SZT2: variants seen among roughly 807,000 people sequenced by gnomAD.
SZT2 encodes the protein KICSTOR complex protein SZT2.
SZT2 carries 216 observed loss-of-function variants against 404.2 expected under a neutral mutation model. The ratio of observed to expected loss-of-function variants is 0.53; its 90% CI spans 0.48 to 0.60. The LOEUF (loss-of-function observed/expected upper bound fraction) is 0.60. SZT2 is among the 20% of genes least tolerant of loss of function. The pLI is 0.00. For synonymous variants in SZT2, 1,693 were observed against 1,749.9 expected, an observed-to-expected ratio of 0.97 and a Z score of 0.81; for missense variants, 3,857 against 4,459.2, an observed-to-expected ratio of 0.86 and a Z score of 3.85.
At position 43,437,891 on chromosome 1, in the gene SZT2, T is replaced by C. The variant is rs375208664; in HGVS notation, c.6497T>C (p.Val2166Ala). Residue 2166 changes from valine (V) to alanine (A), a missense_variant, in exon 46 of 72, where the codon GTT becomes GCT. Val to Ala is a moderately conservative substitution (Grantham distance 64). This residue lies in a region of SZT2 where 261 missense variants were observed against 372.9 expected (regional missense o/e 0.70). Transcript: ENST00000634258. The surrounding 1 kb of genome is among the most constrained non-coding windows in gnomAD (Gnocchi z 5.3). ...DRHIQLLVHG[V>A]GQAGPEITDE... ...CATATCCAGCTGCTGGTCCATGGTG[T>C]TGGGCAGGCAGGTAAGGTCTGAGGA... 1.1e-5 allele frequency: 18 copies of C among 1,614,060 alleles called. No homozygotes were observed. Among genetic ancestry groups the C allele is most frequent in the African/African-American group, 8.0e-5 (6 of 74,918 alleles).
intron 7 of SZT2, 56 bp from the exon 8 acceptor site, chr1:43,419,678 C>A: frequency 6.9e-7 from 1 of 1,440,846 alleles, no homozygotes; most frequent in East Asian, 2.4e-5. Flanking sequence ...CTCTCCTGTT[C>A]TTCCTTCTCC....
chr1:43,450,458 C>G lies in SZT2; in HGVS notation c.10277C>G (p.Thr3426Ser). The part of the protein sequence containing the change: ...LESVINTACF[T>S]LWTRLL ...TCTGTCATCAACACAGCCTGTTTCACCCTCTGGACCCGCCTCCTCTGAGGG... is the reference window on the plus strand; with the variant it reads ...TCTGTCATCAACACAGCCTGTTTCAGCCTCTGGACCCGCCTCCTCTGAGGG... Residue 3426 changes from threonine to serine, a missense_variant, in exon 72 of 72, where the codon ACC becomes AGC. Physicochemically the swap from Thr to Ser is moderately conservative, Grantham distance 58 (BLOSUM62 1). Transcript: ENST00000634258. The surrounding 1 kb of genome is among the most constrained non-coding windows in gnomAD (Gnocchi z 4.3). 6.2e-7 allele frequency: 1 copy of G among 1,614,132 alleles called. No individual in the cohort carries two copies. Among genetic ancestry groups the G allele is most frequent in the Non-Finnish European group, 8.5e-7 (1 of 1,180,000 alleles).
In SZT2 at chr1:43,453,982, G is replaced by T; in HGVS notation, c.*3502G>T. 1 of 1,187,390 alleles carries T rather than the reference G, an allele frequency of 8.4e-7. No individual in the cohort carries two copies. The highest frequency in any genetic ancestry group is 4.2e-5 in the South Asian group (1 of 23,842). The allele number at this position is 1,187,390 out of a possible 1,614,324, so 73.6% of individuals were successfully genotyped here. A position where few individuals can be genotyped will look rare whatever the true frequency, so the allele number is the denominator to read the frequency against. On this transcript the variant is annotated 3_prime_UTR_variant, in exon 72 of 72. Coordinates refer to ENST00000634258, the MANE Select transcript of SZT2 (RefSeq NM_001365999.1). ...AAAAGCGCCTACGGTTAGCGAGAGA[G>T]GGATCACGGGGAGAGGCGAAGGGGC...
At position 43,442,020 on chromosome 1, in the gene SZT2, T is replaced by C; in HGVS notation, c.7763T>C (p.Phe2588Ser). Residue 2588 changes from phenylalanine (F) to serine (S), a missense_variant, in exon 56 of 72, where the codon TTC becomes TCC. Transcript: ENST00000634258. The surrounding 1 kb of genome is among the most constrained non-coding windows in gnomAD (Gnocchi z 4.5). ...AATAGGGGTTCAGAGCCAGAGATCT[T>C]CGGCCCTTGTTCCCCTGGGCAACTG... is the stretch of plus-strand genomic sequence containing the variant. ...EQHLGSEPEI[F>S]GPCSPGQLGP... is the part of the protein sequence containing the mutation. 1 of 1,613,682 alleles carries C rather than the reference T, an allele frequency of 6.2e-7. No homozygotes were observed. Among genetic ancestry groups the C allele is most frequent in the East Asian group, 2.2e-5 (1 of 44,874 alleles).
chr1:43,439,180 A>T lies in SZT2; in HGVS notation c.6792+87A>T, dbSNP rs1654790045. The T allele has an allele frequency of 6.3e-7, 1 of 1,585,944 alleles. No homozygotes were observed. The highest frequency in any genetic ancestry group is 1.3e-5 in the African/African-American group (1 of 74,622). ...TACTCTTTCCTACCGATACCCCTAT[A>T]TGTACCTTTGCCCATGGACCTGGGT... On this transcript the variant is annotated intron_variant, in intron 48 of 71. Coordinates refer to ENST00000634258, the MANE Select transcript of SZT2 (RefSeq NM_001365999.1). This position sits in a 1 kb window ranked among gnomAD's most constrained non-coding sequence, Gnocchi z 4.2.
At chr1:43,403,124 C>A in intron 1 of SZT2, 53 bp from the exon 2 acceptor site, 1 of 1,594,416 alleles carries the variant, frequency 6.3e-7, no homozygotes, top group South Asian at 1.1e-5. Context: ...TCTGTGTGTT[C>A]CAGGTACTCG....
At chr1:43,415,033 C>T in intron 4 of SZT2, 49 bp from the exon 5 acceptor site, 1 of 1,579,078 alleles carries the variant, frequency 6.3e-7, no homozygotes, top group Non-Finnish European at 8.6e-7. Flanking sequence ...GTGTAGTGGT[C>T]TGTGCCACCC....
intron 65 of SZT2, 122 bp from the exon 66 acceptor site, chr1:43,446,833 C>T (rs1655730020): frequency 5.9e-6 from 6 of 1,010,528 alleles, no homozygotes; most frequent in East Asian, 2.6e-5. Flanking sequence ...TGGCAGAGGG[C>T]GTTCCACTAG....
Position 43,443,798 on chromosome 1 carries a change from T to C in SZT2, c.8825+2T>C. 2.5e-6 allele frequency: 4 copies of C among 1,613,162 alleles called. No individual in the cohort carries two copies. Among genetic ancestry groups the C allele is most frequent in the Non-Finnish European group, 3.4e-6 (4 of 1,179,990 alleles). ...GCGGCCCCCCTCACCCGCCCGCAGG[T>C]GAGCCCGTCCCTGTTTTCCCTTCTG... On this transcript the variant is annotated splice_donor_variant, in intron 62 of 71. Transcript: ENST00000634258. LOFTEE classifies it high-confidence loss of function.
chr1:43,395,128 G>A (rs1337857383), intron 1 of SZT2, among the ~76,000 whole-genome samples: 2 of 152,276 alleles, frequency 1.3e-5, no homozygotes, highest in African/African-American at 4.8e-5. Context: ...AAAATTTAGT[G>A]GCCTACTAAC....
chr1:43,396,809 G>A (rs1649048550), intron 1 of SZT2, among the ~76,000 whole-genome samples: 1 of 152,038 alleles, frequency 6.6e-6, no homozygotes, highest in South Asian at 2.1e-4. Context: ...CAGGGTTCCA[G>A]GAACAATAAA....
chr1:43,394,270 G>A (rs576586706), intron 1 of SZT2, among the ~76,000 whole-genome samples: 12 of 148,146 alleles, frequency 8.1e-5, no homozygotes, highest in South Asian at 2.2e-4. Flanking sequence ...GTGCAGTGGC[G>A]TGATCTTGGC....
chr1:43,413,675 A>G (rs1651343771), intron 4 of SZT2, among the ~76,000 whole-genome samples: 1 of 152,230 alleles, frequency 6.6e-6, no homozygotes. Flanking sequence ...ACTGGAGGAC[A>G]TTATGTTAAG....
Position 43,447,890 on chromosome 1 carries a change from A to T in SZT2, c.9482A>T (p.Asp3161Val). 2 of 1,614,076 alleles carry T rather than the reference A, an allele frequency of 1.2e-6. No individual in the cohort carries two copies. The highest frequency in any genetic ancestry group is 2.2e-5 in the South Asian group (2 of 91,074). Residue 3161 changes from aspartate (D) to valine (V), a missense_variant, in exon 68 of 72, where the codon GAT (aspartate) becomes GTT (valine). Asp to Val is a radical substitution (Grantham distance 152). Coordinates refer to ENST00000634258, the MANE Select transcript of SZT2 (RefSeq NM_001365999.1). ...GACTCTGAGGGACTTCGACACCAGG[A>T]TGACTTTGATGTGTCTCTGCTTGTC... Reference protein sequence around the residue: ...YLDSEGLRHQDDFDVSLLVCH... With the variant: ...YLDSEGLRHQVDFDVSLLVCH...
Position 43,450,722 on chromosome 1 carries a change from G to A in SZT2, c.*242G>A, listed in dbSNP as rs41270367. The A allele has an allele frequency of 0.033, 23,383 of 706,078 alleles. 501 individuals are homozygous for A. The highest frequency in any genetic ancestry group is 0.074 in the African/African-American group (4,229 of 56,866). 43.7% of individuals were successfully genotyped at this position (706,078 alleles called of 1,614,324 possible). On this transcript the variant is annotated 3_prime_UTR_variant, in exon 72 of 72. Transcript: ENST00000634258. This position sits in a 1 kb window ranked among gnomAD's most constrained non-coding sequence, Gnocchi z 4.3. ...GACTCCAGAGAGTCAGGTCAACCCC[G>A]AGGACCCCTTGGGCCCTTCTGGGGT...
At chr1:43,391,118 C>T (rs1463061226) in intron 1 of SZT2, among the ~76,000 whole-genome samples, 1 of 152,122 alleles carries the variant, frequency 6.6e-6, no homozygotes, top group African/African-American at 2.4e-5. Flanking sequence ...AGTTCGAGAC[C>T]AGCCTGACCA....
At chr1:43,394,123 A>G in intron 1 of SZT2, 1 of 979,712 alleles carries the variant, frequency 1.0e-6, no homozygotes, top group Non-Finnish European at 1.2e-6. Flanking sequence ...TGCTCTGAGA[A>G]CTAATTCAGG....
rs1468885481 is a variant in SZT2, at chr1:43,446,374, G to A, written c.9030G>A (p.Leu3010=). The change falls in exon 65 of 72, where the codon CTG becomes CTA. Residue 3010 remains leucine (L), a synonymous_variant. Transcript: ENST00000634258. ...ACTTCTGTGTCAAACAGTTTGCCCT[G>A]GAATGTTCCCGAATCCCAATGGGGC... is the stretch of plus-strand genomic sequence containing the variant. The part of the protein sequence containing the change: ...GCYFCVKQFA[L]ECSRIPMGQA... 9 of 1,614,148 alleles carry A rather than the reference G, an allele frequency of 5.6e-6. No homozygotes were observed. Among genetic ancestry groups the A allele is most frequent in the Non-Finnish European group, 7.6e-6 (9 of 1,180,064 alleles).
Position 43,447,607 on chromosome 1 carries a change from C to T in SZT2, c.9349C>T (p.His3117Tyr), listed in dbSNP as rs1186158602. Residue 3117 changes from histidine to tyrosine, a missense_variant, in exon 67 of 72, where the codon CAC becomes TAC. Transcript: ENST00000634258. ...AHQLYNYVAD[H>Y]ASSYHMKPLR... ...CCAGCTATACAACTACGTGGCTGAT[C>T]ACGCCAGCTCTTACCACATGAAGCC... 23 of 1,614,118 alleles carry T rather than the reference C, an allele frequency of 1.4e-5. No homozygotes were observed. Among genetic ancestry groups the T allele is most frequent in the Non-Finnish European group, 1.9e-5 (22 of 1,180,054 alleles).
Sources: allele counts gnomAD v4.1 joint callset (sites outside exome capture counted in the v4.1 genomes callset), GRCh38; gene constraint gnomAD v4.1.1; regional missense constraint gnomAD v4.1.1; non-coding constraint Gnocchi (gnomAD v3.1); transcripts MANE v1.5; gene names NCBI Gene and HGNC (gene_info 2026-07-23, HGNC 2026-07-21).